ANKS1B: variants seen among roughly 807,000 people sequenced by gnomAD.
The protein encoded by ANKS1B is ankyrin repeat and sterile alpha motif domain-containing protein 1B.
Under a neutral mutation model 148.3 loss-of-function variants are expected in ANKS1B, and 36 were observed. The observed-to-expected ratio is 0.24, with a 90% CI of 0.19 to 0.32. The LOEUF is 0.32. Among genes scored for constraint, ANKS1B ranks in the 10% least tolerant of loss-of-function variants. ANKS1B has a pLI of 1.00. For synonymous variants in ANKS1B, 542 were observed against 560.8 expected, an observed-to-expected ratio of 0.97 and a Z score of 0.47; for missense variants, 1,157 against 1,542.6, an observed-to-expected ratio of 0.75 and a Z score of 4.19.
At chr12:99,834,739 G>A (rs942381607) in intron 1 of ANKS1B, among the ~76,000 whole-genome samples, 7 of 152,100 alleles carry the variant, frequency 4.6e-5, no homozygotes, top group Non-Finnish European at 8.8e-5. Context: ...AGTCTATGGG[G>A]AAAATCTATC....
intron 9 of ANKS1B, among the ~76,000 whole-genome samples, chr12:99,573,424 A>C (rs559740050): frequency 2.0e-5 from 3 of 152,108 alleles, no homozygotes; most frequent in Non-Finnish European, 4.4e-5. Context: ...TCAGCATTAT[A>C]TTAGCTTCAA....
intron 8 of ANKS1B, among the ~76,000 whole-genome samples, chr12:99,712,325 C>T (rs997809658): frequency 6.6e-6 from 1 of 152,124 alleles, no homozygotes; most frequent in Non-Finnish European, 1.5e-5. Flanking sequence ...ATCCTAATAA[C>T]CAGAACCTGT....
intron 9 of ANKS1B, among the ~76,000 whole-genome samples, chr12:99,566,214 C>T (rs1261004115): frequency 3.9e-5 from 6 of 152,300 alleles, no homozygotes; most frequent in East Asian, 3.9e-4. Context: ...CTTCCTTCAA[C>T]TTATCTCTCT....
rs1427312688 is a variant in ANKS1B, at chr12:98,988,824, T to C, written c.2778+64333A>G. 3.9e-5 allele frequency among the ~76,000 whole-genome samples: 6 copies of C among 152,310 alleles called. No homozygotes were observed. The East Asian group carries it at 1.2e-3, about 29-fold the overall frequency. On this transcript the variant is annotated intron_variant, in intron 17 of 26. Transcript: ENST00000683438. The stretch of plus-strand genomic sequence containing the variant: ...GGTATGAAGTGATATCTCCTTATGG[T>C]TTTGATTTGAATTTCCCTGATGATT...
intron 16 of ANKS1B, among the ~76,000 whole-genome samples, chr12:99,056,313 C>T (rs148084828): frequency 1.5e-3 from 229 of 152,298 alleles, no homozygotes; most frequent in African/African-American, 4.9e-3. Context: ...ACAAAATTAA[C>T]TTGACACATA....
rs570350035 is a variant in ANKS1B at position 99,174,599 on chromosome 12, G to A, written c.2420-20204C>T. Among the ~76,000 whole-genome samples the A allele has an allele frequency of 3.3e-5, 5 of 152,190 alleles. No homozygotes were observed. In the South Asian group the frequency reaches 1.0e-3, roughly 32 times the overall value. Reference sequence around the variant, plus strand: ...ATAAGATTGCAAAGACTTAATCTTGGTGGTATTGGAAGTCTTACTTGAACC... The same window carrying A: ...ATAAGATTGCAAAGACTTAATCTTGATGGTATTGGAAGTCTTACTTGAACC... On this transcript the variant is annotated intron_variant, in intron 14 of 26. Transcript: ENST00000683438.
At chr12:98,955,912 TC>T (rs1378713213) in intron 17 of ANKS1B, among the ~76,000 whole-genome samples, 3 of 152,178 alleles carry the variant, frequency 2.0e-5, no homozygotes, top group Non-Finnish European at 4.4e-5. Context: ...AGTGTTTAAC[TC>T]CCTTAAACAT....
chr12:99,523,462 C>A (rs2096895061), intron 9 of ANKS1B, among the ~76,000 whole-genome samples: 1 of 151,800 alleles, frequency 6.6e-6, no homozygotes, highest in African/African-American at 2.4e-5. Context: ...ATAATTAGAG[C>A]TTTGCAGTAT....
chr12:98,788,538 C>G (rs1353328042), intron 22 of ANKS1B, among the ~76,000 whole-genome samples: 1 of 152,140 alleles, frequency 6.6e-6, no homozygotes, highest in African/African-American at 2.4e-5. Context: ...GAATACAGAA[C>G]CTAAGACCAG....
At chr12:99,740,971 G>C (rs1256267069) in intron 8 of ANKS1B, among the ~76,000 whole-genome samples, 1 of 152,098 alleles carries the variant, frequency 6.6e-6, no homozygotes, top group African/African-American at 2.4e-5. Context: ...AAAGTAGGTG[G>C]CAATTTGGGC....
rs558506717 is a variant in ANKS1B, at chr12:99,406,393, C to T, written c.1576-6582G>A. 2.0e-4 allele frequency among the ~76,000 whole-genome samples: 29 copies of T among 145,394 alleles called. 5 individuals are homozygous for T. Among genetic ancestry groups the T allele is most frequent in the Non-Finnish European group, 3.5e-4 (23 of 65,784 alleles). ...AGGAATTTTGGAAACTATACAAACA[C>T]GTGAAAATTAAACAATATGCTACTG... On this transcript the variant is annotated intron_variant, in intron 11 of 26. Transcript: ENST00000683438.
rs767839159 is a variant in ANKS1B at position 99,779,878 on chromosome 12, G to C, written c.840C>G (p.Leu280=). The change falls in exon 6 of 27, where the codon CTC becomes CTG. Residue 280 remains leucine, a synonymous_variant. Transcript: ENST00000683438. ...TCATTCAATACTGTTTACCTTGTAA[G>C]AGTGTTGCAATCTGGAGAGATTTCT... ...PSQKSLQIAT[L]LQEYLEGVGR... is the part of the protein sequence containing the mutation. 1.2e-6 allele frequency: 2 copies of C among 1,609,918 alleles called. No individual in the cohort carries two copies. The highest frequency in any genetic ancestry group is 1.7e-6 in the Non-Finnish European group (2 of 1,176,534).
intron 17 of ANKS1B, among the ~76,000 whole-genome samples, chr12:98,844,732 TG>T (rs1284283915): frequency 4.6e-5 from 7 of 152,200 alleles, no homozygotes; most frequent in African/African-American, 1.7e-4. Context: ...CATAACCTGT[TG>T]GGGGACCACT....
intron 4 of ANKS1B, among the ~76,000 whole-genome samples, chr12:99,790,606 AAGTT>A (rs2065526452): frequency 2.0e-5 from 3 of 152,092 alleles, no homozygotes; most frequent in African/African-American, 7.2e-5. Context: ...AAAAGTTAAA[AAGTT>A]AGGTGGCAAA....
intron 25 of ANKS1B, among the ~76,000 whole-genome samples, chr12:98,764,754 G>A (rs918172228): frequency 3.3e-5 from 5 of 152,162 alleles, no homozygotes; most frequent in African/African-American, 1.2e-4. Context: ...CCTCCAAACC[G>A]ACCACGTGTT....
chr12:99,696,178 A>G (rs954529101), intron 8 of ANKS1B, among the ~76,000 whole-genome samples: 4 of 152,214 alleles, frequency 2.6e-5, no homozygotes, highest in Non-Finnish European at 5.9e-5. Context: ...TAATACATAT[A>G]TGGTTCGTTG....
At chr12:99,560,058 T>C (rs1490990610) in intron 9 of ANKS1B, among the ~76,000 whole-genome samples, 3 of 152,180 alleles carry the variant, frequency 2.0e-5, no homozygotes, top group African/African-American at 4.8e-5. Flanking sequence ...AAACATTTTA[T>C]AAAACAGTAT....
intron 14 of ANKS1B, among the ~76,000 whole-genome samples, chr12:99,229,400 T>C (rs887101186): frequency 1.3e-5 from 2 of 151,974 alleles, no homozygotes; most frequent in Non-Finnish European, 2.9e-5. Context: ...TATCTTTATA[T>C]GTGCATTTTT....
intron 22 of ANKS1B, 123 bp from the exon 23 acceptor site, chr12:98,782,260 T>A: frequency 3.6e-6 from 3 of 831,310 alleles, no homozygotes; most frequent in Middle Eastern, 2.4e-4. Flanking sequence ...AAACAAAAGA[T>A]GCCACAAAAG....
Sources: gnomAD v4.1 joint callset for allele counts (sites outside exome capture counted in the v4.1 genomes callset) on GRCh38, gnomAD v4.1.1 for gene constraint, MANE v1.5 for transcripts, NCBI Gene and HGNC (gene_info 2026-07-23, HGNC 2026-07-21) for gene names.